The following DGCR2 variants were observed in gnomAD, a reference collection of about 807,000 sequenced individuals.
DGCR2 encodes the protein DiGeorge syndrome critical region gene 2.
Under a neutral mutation model 51.6 loss-of-function variants are expected in DGCR2, and 24 were observed. The ratio of observed to expected loss-of-function variants is 0.47; its 90% CI spans 0.34 to 0.65. The LOEUF is 0.65. Ranked by LOEUF, DGCR2 falls within the 30% of genes least tolerant of loss-of-function variation. The probability of loss-of-function intolerance (pLI) is 0.01; values close to 1 mark genes in which losing one functional copy is unlikely to be tolerated. For missense variants in DGCR2, 765 were observed against 772.1 expected, an observed-to-expected ratio of 0.99 and a Z score of 0.11; for synonymous variants, 340 against 315.4, an observed-to-expected ratio of 1.08 and a Z score of -0.82.
chr22:19,059,599 A>C (rs1601526521), intron 5 of DGCR2, among the ~76,000 whole-genome samples: 1 of 151,856 alleles, frequency 6.6e-6, no homozygotes, highest in African/African-American at 2.4e-5. Flanking sequence ...CCTCCAAGAC[A>C]CTACTCCTCA....
chr22:19,075,290 G>A (rs1403089865), intron 2 of DGCR2, among the ~76,000 whole-genome samples: 2 of 152,026 alleles, frequency 1.3e-5, no homozygotes, highest in Non-Finnish European at 2.9e-5. Flanking sequence ...AGTCGGGCAT[G>A]GTGAAAATTA....
intron 2 of DGCR2, among the ~76,000 whole-genome samples, chr22:19,077,099 C>T (rs1017211432): frequency 6.6e-6 from 1 of 152,258 alleles, no homozygotes; most frequent in South Asian, 2.1e-4. Context: ...AATATTAACC[C>T]TTACCAGATA....
rs9605924 is a variant in DGCR2, at chr22:19,038,890, C to T, written c.1628G>A (p.Arg543His). The T allele has an allele frequency of 4.3e-4, 686 of 1,612,898 alleles. No individual in the cohort carries two copies. The highest frequency in any genetic ancestry group is 1.5e-3 in the Middle Eastern group (9 of 6,062). The change falls in exon 10 of 10, where the codon CGC (arginine) becomes CAC (histidine). Residue 543 changes from arginine to histidine, a missense_variant. By Grantham distance (29) the Arg-to-His change is conservative (BLOSUM62 0). Around this residue, in one of 3 missense-constraint regions of DGCR2, gnomAD observed 205 missense variants for 181.4 expected, o/e 1.13. Coordinates refer to ENST00000263196, the MANE Select transcript of DGCR2 (RefSeq NM_005137.3). The part of the protein sequence containing the change: ...EALPGGGRHS[R>H]SSLNTVV ...CTACACCACAGTATTGAGGGAGCTG[C>T]GGCTGTGGCGGCCACCCCCTGGCAG...
At chr22:19,079,498 C>T (rs985406040) in intron 2 of DGCR2, among the ~76,000 whole-genome samples, 1 of 152,118 alleles carries the variant, frequency 6.6e-6, no homozygotes, top group East Asian at 1.9e-4. Flanking sequence ...TATGGTGGAA[C>T]GAGAACCTGG....
rs748531212 is a variant in DGCR2 at position 19,044,841 on chromosome 22, CTTATTA to C, written c.1007-2888_1007-2883del. 6.4e-4 allele frequency among the ~76,000 whole-genome samples: 98 copies of C among 152,200 alleles called. 1 individual carries two copies. Among genetic ancestry groups the C allele is most frequent in the Middle Eastern group, 3.4e-3 (1 of 292 alleles). ...TTTTTCAATAGCATTGTTTTGTTTT[CTTATTA>C]TTGAGTTTTTATGTATTCTGAATAC... On this transcript the variant is annotated intron_variant, in intron 7 of 9. Coordinates refer to ENST00000263196, the MANE Select transcript of DGCR2 (RefSeq NM_005137.3).
rs550925099 is a variant in DGCR2, at chr22:19,050,116, T to A, written c.803-1473A>T. Reference sequence around the variant, plus strand: ...TCATTGAAAAACAATAACCTATACATCCAGGAAGCTCAACAAATTCCACAT... The same window carrying A: ...TCATTGAAAAACAATAACCTATACAACCAGGAAGCTCAACAAATTCCACAT... On this transcript the variant is annotated intron_variant, in intron 6 of 9. Coordinates refer to ENST00000263196, the MANE Select transcript of DGCR2 (RefSeq NM_005137.3). Among the ~76,000 whole-genome samples the A allele has an allele frequency of 5.9e-5, 9 of 152,134 alleles. No individual in the cohort carries two copies. The East Asian group carries it at 1.5e-3, about 26-fold the overall frequency.
At chr22:19,063,777 C>T (rs919716530) in intron 4 of DGCR2, among the ~76,000 whole-genome samples, 25 of 152,246 alleles carry the variant, frequency 1.6e-4, no homozygotes, top group Middle Eastern at 3.4e-3. Context: ...TGAGCTAAAC[C>T]GGTAAAGCTT....
intron 2 of DGCR2, among the ~76,000 whole-genome samples, chr22:19,085,462 G>A (rs923897940): frequency 1.3e-5 from 2 of 152,178 alleles, no homozygotes; most frequent in Non-Finnish European, 2.9e-5. Context: ...TATGGCCTGA[G>A]GAAGAAAGGT....
At position 19,063,277 on chromosome 22, in the gene DGCR2, A is replaced by C; in HGVS notation, c.550T>G (p.Leu184Val). The C allele has an allele frequency of 6.2e-7, 1 of 1,613,954 alleles. No homozygotes were observed. The highest frequency in any genetic ancestry group is 8.5e-7 in the Non-Finnish European group (1 of 1,179,902). The change falls in exon 5 of 10, where the codon TTG becomes GTG. Residue 184 changes from leucine (L) to valine (V), a missense_variant and splice_region_variant. Leu to Val is a conservative substitution (Grantham distance 32). Coordinates refer to ENST00000263196, the MANE Select transcript of DGCR2 (RefSeq NM_005137.3). ...ATAACATACTGATAGCCAACCCACAACCTGCAGGGCACAGAGACAGAGACA... is the reference window on the plus strand; with the variant it reads ...ATAACATACTGATAGCCAACCCACACCCTGCAGGGCACAGAGACAGAGACA... ...RSFGWKDQRK[L>V]WVGYQYVITG...
At chr22:19,064,790 T>A (rs192688746) in intron 4 of DGCR2, 58 bp downstream of exon 4, 1 of 1,516,948 alleles carries the variant, frequency 6.6e-7, no homozygotes, top group African/African-American at 1.4e-5. Context: ...AGAGGCCATG[T>A]GCTCAGTAGT....
intron 3 of DGCR2, among the ~76,000 whole-genome samples, chr22:19,065,558 G>C (rs2082738945): frequency 6.6e-6 from 1 of 152,198 alleles, no homozygotes; most frequent in Non-Finnish European, 1.5e-5. Flanking sequence ...AGCTGGGAGA[G>C]CCATGACACT....
At chr22:19,103,045 A>G (rs903836079) in intron 1 of DGCR2, among the ~76,000 whole-genome samples, 4 of 152,196 alleles carry the variant, frequency 2.6e-5, no homozygotes, top group African/African-American at 9.7e-5. Context: ...TATGTTACAT[A>G]TATCTTACCA....
At chr22:19,062,791 T>TCTCTC in intron 5 of DGCR2, among the ~76,000 whole-genome samples, 1 of 146,910 alleles carries the variant, frequency 6.8e-6, no homozygotes, top group Non-Finnish European at 1.5e-5. Context: ...TCTCTCTCTC[T>TCTCTC]CTCTCTCTCT....
Position 19,042,540 on chromosome 22 carries a change from T to C in DGCR2, c.1007-581A>G, listed in dbSNP as rs563486737. On this transcript the variant is annotated intron_variant, in intron 7 of 9. Transcript: ENST00000263196. ...TAGGCAGGGGTCTCATGGATGACAG[T>C]TGCTGGCAGTTTGGAGTGGGGGTGA... 3.9e-5 allele frequency among the ~76,000 whole-genome samples: 6 copies of C among 152,324 alleles called. No individual in the cohort carries two copies. The East Asian group carries it at 9.7e-4, about 25-fold the overall frequency.
At chr22:19,085,520 G>A (rs1356879066) in intron 2 of DGCR2, among the ~76,000 whole-genome samples, 2 of 152,176 alleles carry the variant, frequency 1.3e-5, no homozygotes, top group East Asian at 1.9e-4. Flanking sequence ...ATGTCATAGG[G>A]CAAATGACAC....
intron 2 of DGCR2, among the ~76,000 whole-genome samples, chr22:19,080,581 T>C (rs1402620142): frequency 6.6e-6 from 1 of 152,184 alleles, no homozygotes; most frequent in Non-Finnish European, 1.5e-5. Context: ...CTCATGCCTG[T>C]AATCCCAGCA....
intron 2 of DGCR2, among the ~76,000 whole-genome samples, chr22:19,079,120 A>G (rs977181399): frequency 3.3e-5 from 5 of 152,144 alleles, no homozygotes; most frequent in African/African-American, 1.2e-4. Flanking sequence ...ACAATTCTTA[A>G]CAGTATTCTC....
intron 1 of DGCR2, among the ~76,000 whole-genome samples, chr22:19,104,749 G>C (rs1266473522): frequency 6.6e-6 from 1 of 152,200 alleles, no homozygotes; most frequent in African/African-American, 2.4e-5. Flanking sequence ...CTCACACCTG[G>C]CAGTAAAGCC....
chr22:19,112,144 G>A (rs2083322565), intron 1 of DGCR2, among the ~76,000 whole-genome samples: 3 of 151,846 alleles, frequency 2.0e-5, no homozygotes, highest in Middle Eastern at 3.4e-3. Context: ...GTGGTGGCAC[G>A]CACCTGTAGT....
Sources: allele counts gnomAD v4.1 joint callset (sites outside exome capture counted in the v4.1 genomes callset), GRCh38; gene constraint gnomAD v4.1.1; regional missense constraint gnomAD v4.1.1; transcripts MANE v1.5; gene names NCBI Gene and HGNC (gene_info 2026-07-23, HGNC 2026-07-21).